The following COPB1 variants were observed in gnomAD, a reference collection of about 807,000 sequenced individuals.
COPB1 encodes the protein coatomer subunit beta.
A neutral mutation model predicts 108.7 loss-of-function variants in COPB1; 21 were observed. The observed-to-expected ratio is 0.19, with a 90% CI of 0.14 to 0.28. COPB1 has a LOEUF of 0.28. Ranked by LOEUF, COPB1 falls within the 10% of genes least tolerant of loss-of-function variation. The pLI, the probability that COPB1 is intolerant of heterozygous loss-of-function variation, is 1.00. For synonymous variants in COPB1, 378 were observed against 386.8 expected (o/e 0.98, Z 0.27); for missense variants, 919 against 1,141.3 (o/e 0.81, Z 2.81).
chr11:14,485,346 C>G (rs752849200), intron 7 of COPB1, among the ~76,000 whole-genome samples: 7 of 151,986 alleles, frequency 4.6e-5, no homozygotes, highest in Non-Finnish European at 8.8e-5. Context: ...AAAAAAGGTT[C>G]TGTACAGATA....
At chr11:14,498,468 T>C (rs752504416) in intron 2 of COPB1, among the ~76,000 whole-genome samples, 88 of 152,168 alleles carry the variant, frequency 5.8e-4, no homozygotes, top group Non-Finnish European at 9.7e-4. Flanking sequence ...CTTTTGGTTT[T>C]ACAAGCTAAG....
Position 14,474,398 on chromosome 11 carries a change from G to A in COPB1, c.1737+97C>T, listed in dbSNP as rs996822155. The A allele has an allele frequency of 8.2e-6, 9 of 1,098,910 alleles. No individual in the cohort carries two copies. In the African/African-American group the frequency reaches 1.1e-4, roughly 13 times the overall value. The allele number at this position is 1,098,910 out of a possible 1,614,324, so 68.1% of individuals were successfully genotyped here. On this transcript the variant is annotated intron_variant, in intron 14 of 21. Coordinates refer to ENST00000439561, the MANE Select transcript of COPB1 (RefSeq NM_001144061.2). ...TTAAATCATAAACTCTTTCATGACA[G>A]AAACTTAGCATTAATTTTTGAGTCC... is the stretch of plus-strand genomic sequence containing the variant.
At chr11:14,462,288 AG>A (rs1385738869) in intron 18 of COPB1, among the ~76,000 whole-genome samples, 1 of 144,948 alleles carries the variant, frequency 6.9e-6, no homozygotes, top group Non-Finnish European at 1.5e-5. Flanking sequence ...GCTGGAGTGC[AG>A]TGGCACAATC....
intron 14 of COPB1, among the ~76,000 whole-genome samples, chr11:14,470,222 G>A (rs1182417787): frequency 1.3e-5 from 2 of 151,904 alleles, no homozygotes; most frequent in South Asian, 2.1e-4. Flanking sequence ...GTTTTTAATC[G>A]CACTAACTTT....
chr11:14,466,715 G>A (rs1850288835), intron 16 of COPB1, among the ~76,000 whole-genome samples: 2 of 152,116 alleles, frequency 1.3e-5, no homozygotes, highest in Non-Finnish European at 1.5e-5. Context: ...GTAGAAAAAT[G>A]TTAAATATAT....
At chr11:14,483,517 A>G (rs1850707207) in intron 7 of COPB1, among the ~76,000 whole-genome samples, 2 of 152,216 alleles carry the variant, frequency 1.3e-5, no homozygotes, top group South Asian at 4.1e-4. Context: ...TACATCGATT[A>G]AGCATATTTC....
intron 11 of COPB1, 105 bp downstream of exon 11, chr11:14,479,464 G>C (rs1001995814): frequency 2.9e-5 from 31 of 1,051,090 alleles, no homozygotes; most frequent in Non-Finnish European, 4.0e-5. Context: ...GTCTTATTTT[G>C]GCTTGATTGT....
In COPB1 at chr11:14,475,770, T is replaced by C. The variant is rs1190429759; in HGVS notation, c.1616+15A>G. 2 of 1,543,192 alleles carry C rather than the reference T, an allele frequency of 1.3e-6. No individual in the cohort carries two copies. The highest frequency in any genetic ancestry group is 2.3e-5 in the East Asian group (1 of 42,766). ...AAAGTAGTACAGCTGGCAGGGTATA[T>C]GTGCCATAAATTACCTGTCTTCCTC... On this transcript the variant is annotated intron_variant, in intron 13 of 21. Transcript: ENST00000439561.
chr11:14,479,721 G>GAAAAAA lies in COPB1; in HGVS notation c.1213-13_1213-8dup, dbSNP rs538948337. 7 of 1,178,668 alleles carry GAAAAAA rather than the reference G, an allele frequency of 5.9e-6. No individual in the cohort carries two copies. Among genetic ancestry groups the GAAAAAA allele is most frequent in the East Asian group, 2.8e-5 (1 of 35,204 alleles). The allele number at this position is 1,178,668 out of a possible 1,614,324, so 73.0% of individuals were successfully genotyped here. A position where few individuals can be genotyped will look rare whatever the true frequency, so the allele number is the denominator to read the frequency against. ...CACTGAGAAATTCCATTAACTAAAAGAAAAAAAAAAAAAAGAAAATGGAAC... is the reference window on the plus strand; with the variant it reads ...CACTGAGAAATTCCATTAACTAAAAGAAAAAAAAAAAAAAAAAAAAGAAAATGGAAC... On this transcript the variant is annotated splice_region_variant and splice_polypyrimidine_tract_variant and intron_variant, in intron 10 of 21. Transcript: ENST00000439561.
Position 14,466,278 on chromosome 11 carries a change from T to G in COPB1, c.2290+4A>C. ...TCTCTTTCCTGAATGGTAAGTTTCC[T>G]CACCTAGTGTAGCTAGTTCTAATGT... On this transcript the variant is annotated splice_donor_region_variant and intron_variant, in intron 17 of 21. Coordinates refer to ENST00000439561, the MANE Select transcript of COPB1 (RefSeq NM_001144061.2). The G allele has an allele frequency of 6.2e-7, 1 of 1,612,620 alleles. No homozygotes were observed. Among genetic ancestry groups the G allele is most frequent in the Non-Finnish European group, 8.5e-7 (1 of 1,179,292 alleles).
chr11:14,486,399 C>T lies in COPB1; in HGVS notation c.805G>A (p.Val269Met), dbSNP rs751794991. The change falls in exon 7 of 22, where the codon GTG becomes ATG. Residue 269 changes from valine to methionine, a missense_variant. Coordinates refer to ENST00000439561, the MANE Select transcript of COPB1 (RefSeq NM_001144061.2). ...GCAGTTGGTGCACTAGAGAGTGTCA[C>T]TAATGTCCCAGCAGCTTCATATTTT... is the stretch of plus-strand genomic sequence containing the variant. ...AVKYEAAGTL[V>M]TLSSAPTAIK... 28 of 1,614,144 alleles carry T rather than the reference C, an allele frequency of 1.7e-5. No individual in the cohort carries two copies. The East Asian group carries it at 4.9e-4, about 28-fold the overall frequency.
intron 16 of COPB1, among the ~76,000 whole-genome samples, chr11:14,468,232 T>A (rs114841289): frequency 6.6e-6 from 1 of 152,318 alleles, no homozygotes; most frequent in African/African-American, 2.4e-5. Flanking sequence ...ATTCTTAAAT[T>A]TATATATTTA....
chr11:14,493,363 C>T lies in COPB1; in HGVS notation c.491+279G>A, dbSNP rs548003543. On this transcript the variant is annotated intron_variant, in intron 4 of 21. Coordinates refer to ENST00000439561, the MANE Select transcript of COPB1 (RefSeq NM_001144061.2). Reference sequence around the variant, plus strand: ...ACATATAAAGTGGCTTGGAGTAATACGGTTGAGAATGACAAGCACTGTCAT... The same window carrying T: ...ACATATAAAGTGGCTTGGAGTAATATGGTTGAGAATGACAAGCACTGTCAT... Among the ~76,000 whole-genome samples, 8 of 152,144 alleles carry T rather than the reference C, an allele frequency of 5.3e-5. No homozygotes were observed. The East Asian group carries it at 1.5e-3, about 29-fold the overall frequency.
At chr11:14,473,106 C>CTGCCT (rs1213594351) in intron 14 of COPB1, among the ~76,000 whole-genome samples, 1 of 152,156 alleles carries the variant, frequency 6.6e-6, no homozygotes, top group Non-Finnish European at 1.5e-5. Context: ...TCCCAAGTAG[C>CTGCCT]TGGGAGTACA....
chr11:14,493,946 T>C, intron 3 of COPB1, 135 bp from the exon 4 acceptor site: 1 of 855,246 alleles, frequency 1.2e-6, no homozygotes, highest in Non-Finnish European at 1.7e-6. Context: ...CATCATATTC[T>C]TGTTGACTGA....
At chr11:14,488,879 C>G (rs908826449) in intron 5 of COPB1, among the ~76,000 whole-genome samples, 3 of 152,150 alleles carry the variant, frequency 2.0e-5, no homozygotes, top group Admixed American at 6.5e-5. Flanking sequence ...ACAATCAAAA[C>G]CAGCTGCTTA....
rs1850824482 is a variant in COPB1 at position 14,488,484 on chromosome 11, ATT to A, written c.699+6_699+7del. ...TTTATTTTACTCATCATAGATTATC[ATT>A]CTTACCTTATAAATCAGTTCAACAA... On this transcript the variant is annotated splice_donor_region_variant and intron_variant, in intron 6 of 21. Transcript: ENST00000439561. 3 of 1,583,288 alleles carry A rather than the reference ATT, an allele frequency of 1.9e-6. No homozygotes were observed. Among genetic ancestry groups the A allele is most frequent in the African/African-American group, 2.7e-5 (2 of 74,368 alleles).
chr11:14,465,490 A>C (rs1211370167), intron 17 of COPB1, among the ~76,000 whole-genome samples: 2 of 152,112 alleles, frequency 1.3e-5, no homozygotes, highest in African/African-American at 2.4e-5. Flanking sequence ...GGCCCACCAC[A>C]CCTGGCTAAT....
intron 17 of COPB1, 36 bp from the exon 18 acceptor site, chr11:14,465,066 C>G (rs1198537319): frequency 1.0e-5 from 1 of 100,242 alleles, no homozygotes; most frequent in Non-Finnish European, 1.3e-5. Flanking sequence ...TAAAAATACA[C>G]ACACACACAC....
Sources: gnomAD v4.1 joint callset for allele counts (sites outside exome capture counted in the v4.1 genomes callset) on GRCh38, gnomAD v4.1.1 for gene constraint, MANE v1.5 for transcripts, NCBI Gene and HGNC (gene_info 2026-07-23, HGNC 2026-07-21) for gene names.